The following ZC3HAV1 variants were observed in gnomAD, a reference collection of about 807,000 sequenced individuals.
The protein encoded by ZC3HAV1 is zinc finger CCCH-type antiviral protein 1.
A neutral mutation model predicts 86.6 loss-of-function variants in ZC3HAV1; 41 were observed. The ratio of observed to expected loss-of-function variants is 0.47; its 90% confidence interval spans 0.37 to 0.61. ZC3HAV1 has a LOEUF of 0.61. Ranked by LOEUF, ZC3HAV1 falls within the 20% of genes least tolerant of loss-of-function variation. The pLI is 0.00. For synonymous variants in ZC3HAV1, 421 were observed against 432.1 expected (o/e 0.97, Z 0.32); for missense variants, 964 against 1,141.1 (o/e 0.84, Z 2.24).
chr7:139,108,173 C>T lies in ZC3HAV1; in HGVS notation c.308+851G>A, dbSNP rs1483885254. Among the ~76,000 whole-genome samples, 2 of 151,852 alleles carry T rather than the reference C, an allele frequency of 1.3e-5. No individual in the cohort carries two copies. Among genetic ancestry groups the T allele is most frequent in the African/African-American group, 2.4e-5 (1 of 41,314 alleles). On this transcript the variant is annotated intron_variant, in intron 1 of 12. Transcript: ENST00000242351. The surrounding 1 kb of genome is among the most constrained non-coding windows in gnomAD (Gnocchi z 4.2). ...CCTGGAAGCCATCTTTTTAGATGTGCAGCTGTCCTCGAGGGAGCAAGCTCT... is the reference window on the plus strand; with the variant it reads ...CCTGGAAGCCATCTTTTTAGATGTGTAGCTGTCCTCGAGGGAGCAAGCTCT...
At chr7:139,078,972 C>A in intron 4 of ZC3HAV1, 3 of 1,296,360 alleles carry the variant, frequency 2.3e-6, no homozygotes, top group Non-Finnish European at 3.1e-6. Flanking sequence ...CCTCACCAGA[C>A]CACCCCATAA....
At chr7:139,097,414 A>ATTTTTTTTTTTTTTTT (rs1214039926) in intron 1 of ZC3HAV1, among the ~76,000 whole-genome samples, 1 of 75,664 alleles carries the variant, frequency 1.3e-5, no homozygotes, top group Non-Finnish European at 2.3e-5. Flanking sequence ...ATATATATAT[A>ATTTTTTTTTTTTTTTT]TATATATATA....
At chr7:139,070,886 G>A (rs1294997327) in intron 7 of ZC3HAV1, among the ~76,000 whole-genome samples, 2 of 151,766 alleles carry the variant, frequency 1.3e-5, no homozygotes, top group Non-Finnish European at 2.9e-5. Context: ...GGAAGCTGAG[G>A]CAGGAGAATT....
Position 139,102,918 on chromosome 7 carries a change from CA to C in ZC3HAV1, c.308+6105del, listed in dbSNP as rs1331452732. ...GTGGTGACAGAACAAGATCCTGTCT[CA>C]AAAAAAAAAAAAGTATATATATATG... is the stretch of plus-strand genomic sequence containing the variant. On this transcript the variant is annotated intron_variant, in intron 1 of 12. Coordinates refer to ENST00000242351, the MANE Select transcript of ZC3HAV1 (RefSeq NM_020119.4). Among the ~76,000 whole-genome samples, 953 of 117,654 alleles carry C rather than the reference CA, an allele frequency of 8.1e-3. 10 individuals carry two copies. The highest frequency in any genetic ancestry group is 0.024 in the African/African-American group (740 of 31,128). The allele number at this position is 117,654 out of a possible 152,430, so 77.2% of individuals were successfully genotyped here.
chr7:139,080,316 C>A, intron 3 of ZC3HAV1, 73 bp from the exon 4 acceptor site: 1 of 1,544,792 alleles, frequency 6.5e-7, no homozygotes. Context: ...TCCTACCACC[C>A]TTCCTCCTCT....
chr7:139,088,261 T>C (rs1390821657), intron 2 of ZC3HAV1, among the ~76,000 whole-genome samples: 2 of 152,128 alleles, frequency 1.3e-5, no homozygotes, highest in Non-Finnish European at 2.9e-5. Context: ...CTGTTAATTA[T>C]CCACCATTGT....
At chr7:139,100,700 A>G (rs1554445538) in intron 1 of ZC3HAV1, among the ~76,000 whole-genome samples, 1 of 152,176 alleles carries the variant, frequency 6.6e-6, no homozygotes, top group Non-Finnish European at 1.5e-5. Flanking sequence ...CTTGGCAAAC[A>G]CACTTCGGAA....
At chr7:139,054,866 C>T (rs1816237599) in intron 10 of ZC3HAV1, among the ~76,000 whole-genome samples, 1 of 152,160 alleles carries the variant, frequency 6.6e-6, no homozygotes, top group Non-Finnish European at 1.5e-5. Context: ...CGGCTCGCTG[C>T]AACCTCCGCC....
At chr7:139,086,155 A>G (rs138439186) in intron 2 of ZC3HAV1, among the ~76,000 whole-genome samples, 12 of 152,262 alleles carry the variant, frequency 7.9e-5, no homozygotes, top group South Asian at 2.1e-4. Flanking sequence ...CCAAAGCCCT[A>G]TGAAAAAATT....
chr7:139,079,092 T>C (rs1436138315), intron 4 of ZC3HAV1: 2 of 1,535,730 alleles, frequency 1.3e-6, no homozygotes, highest in South Asian at 1.2e-5. Context: ...CCTTTGTCCT[T>C]CAGTGACTTA....
chr7:139,101,896 G>A (rs1156611961), intron 1 of ZC3HAV1, among the ~76,000 whole-genome samples: 2 of 151,716 alleles, frequency 1.3e-5, no homozygotes, highest in African/African-American at 4.8e-5. Context: ...CCTCTGCCTA[G>A]GAAAACCAGA....
At position 139,044,928 on chromosome 7, in the gene ZC3HAV1, T is replaced by A. The variant is rs895759402; in HGVS notation, c.*2666A>T. The A allele has an allele frequency of 1.3e-5, 2 of 152,254 alleles. No homozygotes were observed. The highest frequency in any genetic ancestry group is 2.9e-5 in the Non-Finnish European group (2 of 68,034). The allele number at this position is 152,254 out of a possible 1,614,324, so 9.4% of individuals were successfully genotyped here. A position where few individuals can be genotyped will look rare whatever the true frequency, so the allele number is the denominator to read the frequency against. On this transcript the variant is annotated 3_prime_UTR_variant, in exon 13 of 13. Transcript: ENST00000242351. ...TGTCATATGCAAAGAAGTTATTGTA[T>A]CCCTAGTTTTTATTCTAATGCCCAC...
At chr7:139,071,538 T>C (rs1816773324) in intron 7 of ZC3HAV1, among the ~76,000 whole-genome samples, 1 of 151,950 alleles carries the variant, frequency 6.6e-6, no homozygotes, top group Non-Finnish European at 1.5e-5. Flanking sequence ...CCAAGGCTAA[T>C]TAATTTGGGT....
In ZC3HAV1 at chr7:139,073,848, G is replaced by T. The variant is rs200921444; in HGVS notation, c.1872+8C>A. On this transcript the variant is annotated splice_region_variant and intron_variant, in intron 7 of 12. Coordinates refer to ENST00000242351, the MANE Select transcript of ZC3HAV1 (RefSeq NM_020119.4). ...CAAGAGCCCCCTACAAGGAGGAACA[G>T]TGCTCACCTCTTCTCCATACTGAAT... 1.7e-4 allele frequency: 267 copies of T among 1,607,996 alleles called. No individual in the cohort carries two copies. Among genetic ancestry groups the T allele is most frequent in the Admixed American group, 2.2e-4 (13 of 59,566 alleles).
intron 12 of ZC3HAV1, among the ~76,000 whole-genome samples, chr7:139,051,838 T>C (rs1816132186): frequency 6.6e-6 from 1 of 152,204 alleles, no homozygotes; most frequent in South Asian, 2.1e-4. Context: ...TCAAAAATAT[T>C]TGCTGACTGG....
chr7:139,056,347 A>G (rs1393366861), intron 9 of ZC3HAV1, among the ~76,000 whole-genome samples: 1 of 150,506 alleles, frequency 6.6e-6, no homozygotes, highest in African/African-American at 2.4e-5. Flanking sequence ...GGAAAATTCT[A>G]TAGGTCAAAT....
At chr7:139,085,004 T>A (rs1283567983) in intron 2 of ZC3HAV1, among the ~76,000 whole-genome samples, 1 of 152,234 alleles carries the variant, frequency 6.6e-6, no homozygotes, top group Non-Finnish European at 1.5e-5. Context: ...AATAGATATA[T>A]GTAACTGCTA....
rs774067833 is a variant in ZC3HAV1 at position 139,055,729 on chromosome 7, A to AT, written c.2097-435dup. 6.3e-3 allele frequency among the ~76,000 whole-genome samples: 963 copies of AT among 151,904 alleles called. 4 individuals are homozygous for AT. The highest frequency in any genetic ancestry group is 0.011 in the Non-Finnish European group (779 of 67,944). ...TCAGGGTAACCATACCTGAGAAGTAATTTTCTTTTTCTATCCCATAGAGCT... is the reference window on the plus strand; with the variant it reads ...TCAGGGTAACCATACCTGAGAAGTAATTTTTCTTTTTCTATCCCATAGAGCT... On this transcript the variant is annotated intron_variant, in intron 9 of 12. Coordinates refer to ENST00000242351, the MANE Select transcript of ZC3HAV1 (RefSeq NM_020119.4).
intron 5 of ZC3HAV1, among the ~76,000 whole-genome samples, chr7:139,078,229 A>T (rs1213872361): frequency 6.6e-6 from 1 of 152,166 alleles, no homozygotes; most frequent in Non-Finnish European, 1.5e-5. Flanking sequence ...ACAGAGTGAG[A>T]CTCCGTCTCA....
Sources: gnomAD v4.1 joint callset for allele counts (sites outside exome capture counted in the v4.1 genomes callset) on GRCh38, gnomAD v4.1.1 for gene constraint, Gnocchi (gnomAD v3.1) non-coding constraint, MANE v1.5 for transcripts, NCBI Gene and HGNC (gene_info 2026-07-23, HGNC 2026-07-21) for gene names.